The following PLCH2 variants were observed in gnomAD, a reference collection of about 807,000 sequenced individuals.
PLCH2 encodes phospholipase C eta 2.
A neutral mutation model predicts 134.7 loss-of-function variants in PLCH2; 98 were observed. That is an observed-to-expected ratio of 0.73 (90% CI 0.62 to 0.86). PLCH2 has a LOEUF of 0.86. Among genes scored for constraint, PLCH2 ranks in the 40% least tolerant of loss-of-function variants. The probability of loss-of-function intolerance (pLI) is 0.00; values close to 1 mark genes in which losing one functional copy is unlikely to be tolerated. For missense variants in PLCH2, 1,994 were observed against 1,986.6 expected (o/e 1.00, Z -0.07); for synonymous variants, 974 against 827.5 (o/e 1.18, Z -3.04).
In PLCH2 at chr1:2,487,727, C is replaced by G. The variant is rs763678286; in HGVS notation, c.1235+9C>G. On this transcript the variant is annotated intron_variant, in intron 8 of 21. Transcript: ENST00000378486. ...GCCTTCATCAAGAATGAGTGAGTGG[C>G]TGGGCCTAGCGGGGCTGGCCCCAGA... is the stretch of plus-strand genomic sequence containing the variant. 15 of 1,611,586 alleles carry G rather than the reference C, an allele frequency of 9.3e-6. No homozygotes were observed. In the East Asian group the frequency reaches 3.3e-4, roughly 36 times the overall value.
At chr1:2,466,060 C>T (rs935829313), upstream of PLCH2, among the ~76,000 whole-genome samples, 12 of 152,180 alleles carry the variant, frequency 7.9e-5, no homozygotes, top group Admixed American at 4.6e-4. Context: ...GATGCTGGGA[C>T]GCCTGTTGCT....
intron 11 of PLCH2, chr1:2,494,571 TGA>T: frequency 1.8e-6 from 1 of 548,088 alleles, no homozygotes; most frequent in Non-Finnish European, 3.3e-6. Context: ...AAACAACACA[TGA>T]GAGACGCTGA....
At chr1:2,502,080 G>T (rs767603594) in intron 20 of PLCH2, 32 bp from the exon 21 acceptor site, 12 of 1,414,620 alleles carry the variant, frequency 8.5e-6, no homozygotes, top group Non-Finnish European at 1.1e-5. Flanking sequence ...TGGGACCCCT[G>T]GCAACAGCTA....
Position 2,498,324 on chromosome 1 carries a change from G to T in PLCH2, c.2225-199G>T, listed in dbSNP as rs866870827. ...GCATGGGCTCTGTCCCACATGCTGCGGTAGCCACAAAGGTGATCCATACTG... is the reference window on the plus strand; with the variant it reads ...GCATGGGCTCTGTCCCACATGCTGCTGTAGCCACAAAGGTGATCCATACTG... On this transcript the variant is annotated intron_variant, in intron 16 of 21. Coordinates refer to ENST00000378486, the MANE Select transcript of PLCH2 (RefSeq NM_014638.4). This position sits in a 1 kb window ranked among gnomAD's most constrained non-coding sequence, Gnocchi z 5.4. The T allele has an allele frequency of 2.7e-5, 16 of 591,946 alleles. No individual in the cohort carries two copies. The highest frequency in any genetic ancestry group is 4.5e-5 in the Non-Finnish European group (15 of 335,836). The allele number at this position is 591,946 out of a possible 1,614,324, so 36.7% of individuals were successfully genotyped here.
intron 13 of PLCH2, 68 bp from the exon 14 acceptor site, chr1:2,496,539 G>T (rs1024046923): frequency 7.6e-7 from 1 of 1,318,034 alleles, no homozygotes; most frequent in African/African-American, 1.5e-5. Flanking sequence ...CCTGGAGCCC[G>T]TCTCACGGAG....
chr1:2,489,658 G>T (rs1010905118), intron 9 of PLCH2, 102 bp from the exon 10 acceptor site: 17 of 953,988 alleles, frequency 1.8e-5, no homozygotes, highest in Non-Finnish European at 2.5e-5. Flanking sequence ...CTGAGCTTGA[G>T]AAAAGGCCCC....
upstream of PLCH2, among the ~76,000 whole-genome samples, chr1:2,475,666 C>A (rs572959138): frequency 2.6e-5 from 4 of 152,322 alleles, no homozygotes; most frequent in African/African-American, 9.6e-5. Context: ...AATGTGGGGA[C>A]AAACGTGCCC....
intron 1 of PLCH2, among the ~76,000 whole-genome samples, chr1:2,428,378 G>A (rs538144532): frequency 1.4e-4 from 22 of 152,200 alleles, no homozygotes; most frequent in Non-Finnish European, 2.8e-4. Flanking sequence ...TCCAGGAGCC[G>A]CAGAGACCAG....
chr1:2,472,448 G>A (rs188383352), upstream of PLCH2, among the ~76,000 whole-genome samples: 1,636 of 152,314 alleles, frequency 0.011, 17 homozygotes, highest in Middle Eastern at 0.034. Context: ...AGGGGCAGGG[G>A]GGCGCGGAAG....
In PLCH2 at chr1:2,448,766, GTC is replaced by G. The variant is rs1640061231; in HGVS notation, c.115+18142_115+18143del. Among the ~76,000 whole-genome samples, 1 of 151,996 alleles carries G rather than the reference GTC, an allele frequency of 6.6e-6. No individual in the cohort carries two copies. The highest frequency in any genetic ancestry group is 1.9e-4 in the East Asian group (1 of 5,164). On this transcript the variant is annotated intron_variant, in intron 2 of 3. Transcript: ENST00000609981. The surrounding 1 kb of genome is among the most constrained non-coding windows in gnomAD (Gnocchi z 4.0). ...CAGCCTCCTGGCTCCCCACCATCCA[GTC>G]TCTCCCTGGGTGGGGTCCTGGCTCC...
At position 2,491,416 on chromosome 1, in the gene PLCH2, C is replaced by T. The variant is rs376156419; in HGVS notation, c.1659+81C>T. Reference sequence around the variant, plus strand: ...CTGTGGGCCAGCCAGGGCCCCCGAACGTATGCTCTGTGCGCACTCACACCT... The same window carrying T: ...CTGTGGGCCAGCCAGGGCCCCCGAATGTATGCTCTGTGCGCACTCACACCT... On this transcript the variant is annotated intron_variant, in intron 11 of 21. Transcript: ENST00000378486. 2.0e-5 allele frequency: 29 copies of T among 1,466,106 alleles called. No individual in the cohort carries two copies. The East Asian group carries it at 3.2e-4, about 16-fold the overall frequency. The allele number at this position is 1,466,106 out of a possible 1,614,324, so 90.8% of individuals were successfully genotyped here.
At chr1:2,472,794 C>T (rs1641391782), upstream of PLCH2, among the ~76,000 whole-genome samples, 1 of 152,132 alleles carries the variant, frequency 6.6e-6, no homozygotes, top group African/African-American at 2.4e-5. Flanking sequence ...AGAGGTGGGG[C>T]CCCTGCCCGT....
chr1:2,417,704 A>G, the PLCH2 span, among the ~76,000 whole-genome samples: 1 of 152,066 alleles, frequency 6.6e-6, no homozygotes, highest in Non-Finnish European at 1.5e-5. Context: ...CCTGGGAGCC[A>G]CCTCCTGAGG....
chr1:2,490,519 G>A (rs1255143368), intron 10 of PLCH2, among the ~76,000 whole-genome samples: 4 of 152,312 alleles, frequency 2.6e-5, no homozygotes, highest in African/African-American at 4.8e-5. Flanking sequence ...CTCTGGGGCC[G>A]CTGCTGTGAG....
intron 2 of PLCH2, among the ~76,000 whole-genome samples, chr1:2,432,927 G>A (rs1639138579): frequency 6.6e-6 from 1 of 152,192 alleles, no homozygotes; most frequent in South Asian, 2.1e-4. Flanking sequence ...TCTTCCCGGT[G>A]CACACACGGG....
At position 2,504,530 on chromosome 1, in the gene PLCH2, G is replaced by A; in HGVS notation, c.3568G>A (p.Ala1190Thr). 6.2e-7 allele frequency: 1 copy of A among 1,612,548 alleles called. No individual in the cohort carries two copies. The highest frequency in any genetic ancestry group is 1.1e-5 in the South Asian group (1 of 91,082). The change falls in exon 22 of 22, where the codon GCC becomes ACC. Residue 1190 changes from alanine (A) to threonine (T), a missense_variant. Physicochemically the swap from Ala to Thr is moderately conservative, Grantham distance 58. This residue lies in a region of PLCH2 where 900 missense variants were observed against 752.3 expected (regional missense o/e 1.20). Coordinates refer to ENST00000378486, the MANE Select transcript of PLCH2 (RefSeq NM_014638.4). The part of the protein sequence containing the change: ...LPPRPHSASA[A>T]RPDLPPVTKS... Reference sequence around the variant, plus strand: ...CCCCAGGCCCCACTCGGCTTCGGCTGCCCGCCCAGACCTGCCACCTGTGAC... The same window carrying A: ...CCCCAGGCCCCACTCGGCTTCGGCTACCCGCCCAGACCTGCCACCTGTGAC...
the PLCH2 span, among the ~76,000 whole-genome samples, chr1:2,419,442 G>A: frequency 6.6e-6 from 1 of 152,158 alleles, no homozygotes; most frequent in Non-Finnish European, 1.5e-5. Flanking sequence ...CGCCTGTGCG[G>A]AGCTGGTCCA....
chr1:2,432,163 A>C (rs544411506), intron 2 of PLCH2, among the ~76,000 whole-genome samples: 39 of 152,320 alleles, frequency 2.6e-4, no homozygotes, highest in African/African-American at 9.4e-4. Flanking sequence ...CACTCTGCAG[A>C]TGAGGCGGTG....
chr1:2,491,430 GCACT>G, intron 11 of PLCH2, 95 bp downstream of exon 11: 1 of 1,287,872 alleles, frequency 7.8e-7, no homozygotes. Flanking sequence ...TGCTCTGTGC[GCACT>G]CACACCTGTG....
Sources: allele counts gnomAD v4.1 joint callset (sites outside exome capture counted in the v4.1 genomes callset), GRCh38; gene constraint gnomAD v4.1.1; regional missense constraint gnomAD v4.1.1; non-coding constraint Gnocchi (gnomAD v3.1); transcripts MANE v1.5; gene names NCBI Gene and HGNC (gene_info 2026-07-23, HGNC 2026-07-21).